The following SPECC1L variants were observed in gnomAD, a reference collection of about 807,000 sequenced individuals.
SPECC1L encodes the protein cytospin-A.
A neutral mutation model predicts 116.8 loss-of-function variants in SPECC1L; 40 were observed. That is an observed-to-expected ratio of 0.34 (90% CI 0.27 to 0.45). The LOEUF (loss-of-function observed/expected upper bound fraction) is 0.45. SPECC1L is among the 20% of genes least tolerant of loss of function. The pLI is 1.00. For synonymous variants in SPECC1L, 504 were observed against 500.6 expected (o/e 1.01, Z -0.09); for missense variants, 1,110 against 1,373.6 (o/e 0.81, Z 3.03).
At chr22:24,316,319 C>T (rs1386341819) in intron 4 of SPECC1L, among the ~76,000 whole-genome samples, 1 of 147,896 alleles carries the variant, frequency 6.8e-6, no homozygotes, top group African/African-American at 2.6e-5. Flanking sequence ...TTGGGTGTTT[C>T]TCGCAGAGGG....
At chr22:24,390,867 C>CTTTTTTT (rs1556306072) in intron 14 of SPECC1L, among the ~76,000 whole-genome samples, 20 of 47,606 alleles carry the variant, frequency 4.2e-4, no homozygotes, top group African/African-American at 6.5e-4. Flanking sequence ...TTTTTTTTTT[C>CTTTTTTT]TTTTCTTTTT....
intron 3 of SPECC1L, among the ~76,000 whole-genome samples, chr22:24,311,781 G>A (rs1433873227): frequency 2.1e-5 from 3 of 145,566 alleles, no homozygotes; most frequent in South Asian, 2.2e-4. Flanking sequence ...CTCCAGCCTC[G>A]GTGACAGAGT....
chr22:24,317,970 C>T (rs1335928783), intron 4 of SPECC1L, among the ~76,000 whole-genome samples: 1 of 148,012 alleles, frequency 6.8e-6, no homozygotes, highest in South Asian at 2.2e-4. Flanking sequence ...GGATGGCGGC[C>T]GGGAAGAGGC....
chr22:24,324,890 A>G (rs1179868047), intron 6 of SPECC1L, among the ~76,000 whole-genome samples: 2 of 152,340 alleles, frequency 1.3e-5, no homozygotes, highest in East Asian at 3.9e-4. Flanking sequence ...TCCTGTGTCC[A>G]TGGTAACTGC....
At chr22:24,309,151 A>G (rs1291062205) in intron 3 of SPECC1L, among the ~76,000 whole-genome samples, 1 of 152,132 alleles carries the variant, frequency 6.6e-6, no homozygotes, top group African/African-American at 2.4e-5. Flanking sequence ...ACACACACAC[A>G]CGCACATATC....
At chr22:24,404,237 C>T (rs1210289621) in intron 14 of SPECC1L, among the ~76,000 whole-genome samples, 1 of 152,178 alleles carries the variant, frequency 6.6e-6, no homozygotes, top group Non-Finnish European at 1.5e-5. Context: ...GGATCCGAGG[C>T]CTCCTTCTTG....
intron 14 of SPECC1L, among the ~76,000 whole-genome samples, chr22:24,402,438 C>G (rs1458637822): frequency 2.0e-5 from 3 of 151,904 alleles, no homozygotes; most frequent in Non-Finnish European, 4.4e-5. Context: ...AGAAAAGGAA[C>G]CTCACTCACC....
chr22:24,321,456 C>T lies in SPECC1L; in HGVS notation c.476C>T (p.Ala159Val). The T allele has an allele frequency of 4.3e-6, 7 of 1,614,256 alleles. No individual in the cohort carries two copies. Among genetic ancestry groups the T allele is most frequent in the Non-Finnish European group, 5.9e-6 (7 of 1,180,044 alleles). The change falls in exon 5 of 17, where the codon GCT (alanine) becomes GTT (valine). Residue 159 changes from alanine (A) to valine (V), a missense_variant. Ala to Val is a moderately conservative substitution (Grantham distance 64). Around this residue, in one of 4 missense-constraint regions of SPECC1L, gnomAD observed 437 missense variants for 482.6 expected, o/e 0.91. Transcript: ENST00000314328. ...ALAKRSRSRT[A>V]TECDVRMSKS... ...GCCAAACGTTCCCGCAGTCGAACTG[C>T]TACAGAATGTGACGTTCGTATGAGC...
At chr22:24,388,583 T>A (rs939912935) in intron 14 of SPECC1L, among the ~76,000 whole-genome samples, 7 of 152,132 alleles carry the variant, frequency 4.6e-5, no homozygotes, top group Admixed American at 6.5e-5. Context: ...TGATTTATAA[T>A]CCTTTGGGTA....
intron 1 of SPECC1L, among the ~76,000 whole-genome samples, chr22:24,271,983 T>C (rs1220120188): frequency 6.6e-6 from 1 of 152,226 alleles, no homozygotes; most frequent in Non-Finnish European, 1.5e-5. Context: ...CTGTAGGCTT[T>C]GTAGACAACA....
At chr22:24,409,629 GAGACAA>G (rs1569451052) in intron 14 of SPECC1L, among the ~76,000 whole-genome samples, 1 of 152,132 alleles carries the variant, frequency 6.6e-6, no homozygotes, top group East Asian at 1.9e-4. Flanking sequence ...CTCCAGCCTG[GAGACAA>G]AGTGAGATCC....
chr22:24,361,099 CTTAGAAAATAAATT>C (rs1024464423), intron 11 of SPECC1L, among the ~76,000 whole-genome samples: 20 of 152,162 alleles, frequency 1.3e-4, no homozygotes, highest in African/African-American at 4.1e-4. Context: ...TCCTCATACC[CTTAGAAAATAAATT>C]TTAGCCAGAC....
At chr22:24,299,520 T>G (rs561098839) in intron 2 of SPECC1L, among the ~76,000 whole-genome samples, 1 of 152,318 alleles carries the variant, frequency 6.6e-6, no homozygotes, top group East Asian at 1.9e-4. Context: ...CCAGCCTCCT[T>G]GAACAGTCTG....
intron 14 of SPECC1L, among the ~76,000 whole-genome samples, chr22:24,403,981 G>A (rs1179648239): frequency 6.6e-6 from 1 of 152,176 alleles, no homozygotes; most frequent in Admixed American, 6.5e-5. Flanking sequence ...CTGATTTGTG[G>A]TTGCTCTTCC....
At chr22:24,358,832 A>G (rs1601603683) in intron 11 of SPECC1L, among the ~76,000 whole-genome samples, 1 of 152,358 alleles carries the variant, frequency 6.6e-6, no homozygotes, top group East Asian at 1.9e-4. Context: ...ATAAAGGGAA[A>G]ACTACCTGTA....
chr22:24,325,230 C>G (rs1247706486), intron 6 of SPECC1L, among the ~76,000 whole-genome samples: 1 of 152,164 alleles, frequency 6.6e-6, no homozygotes, highest in South Asian at 2.1e-4. Context: ...GGCAGTGTCC[C>G]TCACAGTAGG....
chr22:24,281,095 G>A (rs2146336684), intron 2 of SPECC1L, among the ~76,000 whole-genome samples: 1 of 152,200 alleles, frequency 6.6e-6, no homozygotes, highest in South Asian at 2.1e-4. Context: ...GTATGTAAGA[G>A]GAAACCATTT....
chr22:24,360,497 C>T (rs2041621785), intron 11 of SPECC1L, among the ~76,000 whole-genome samples: 1 of 151,954 alleles, frequency 6.6e-6, no homozygotes, highest in Non-Finnish European at 1.5e-5. Context: ...CTTAACCATG[C>T]AGTAAGAAAC....
intron 14 of SPECC1L, among the ~76,000 whole-genome samples, chr22:24,407,633 C>G (rs538191621): frequency 1.3e-5 from 2 of 152,338 alleles, no homozygotes; most frequent in African/African-American, 2.4e-5. Context: ...CAGAGCTCCA[C>G]ACGTTATTAA....
Sources: gnomAD v4.1 joint callset for allele counts (sites outside exome capture counted in the v4.1 genomes callset) on GRCh38, gnomAD v4.1.1 for gene constraint, gnomAD v4.1.1 regional missense constraint, MANE v1.5 for transcripts, NCBI Gene and HGNC (gene_info 2026-07-23, HGNC 2026-07-21) for gene names.